Variants in DAB1 observed in about 807,000 individuals in gnomAD.
DAB1 encodes the protein DAB adaptor protein 1, also known as disabled homolog 1.
A neutral mutation model predicts 64.6 loss-of-function variants in DAB1; 15 were observed. That is an observed-to-expected ratio of 0.23 (90% confidence interval 0.16 to 0.36). The LOEUF is 0.36. Ranked by LOEUF, DAB1 falls within the 10% of genes least tolerant of loss-of-function variation. The pLI, the probability that DAB1 is intolerant of heterozygous loss-of-function variation, is 1.00. For synonymous variants in DAB1, 235 were observed against 251.9 expected (o/e 0.93, Z 0.64); for missense variants, 596 against 706.7 (o/e 0.84, Z 1.78).
chr1:58,300,626 GAGAGAGAGAGAGAGAGAGAGAGGAAGGA>G (rs1557726130), intron 4 of DAB1, among the ~76,000 whole-genome samples: 23 of 47,078 alleles, frequency 4.9e-4, no homozygotes, highest in East Asian at 1.9e-3. Flanking sequence ...GAGAGAGAGA[GAGAGAGAGAGAGAGAGAGAGAGGAAGGA>G]AGGAAGGAAG....
chr1:57,279,905 C>T (rs1457661843), intron 2 of DAB1, among the ~76,000 whole-genome samples: 2 of 152,170 alleles, frequency 1.3e-5, no homozygotes, highest in Non-Finnish European at 2.9e-5. Context: ...CATATTTTAT[C>T]ATCATTCCCT....
chr1:57,616,486 G>T (rs1380131120), intron 7 of DAB1, among the ~76,000 whole-genome samples: 1 of 152,142 alleles, frequency 6.6e-6, no homozygotes, highest in East Asian at 1.9e-4. Flanking sequence ...TCAACAGACA[G>T]TTGAATGAAA....
At chr1:57,261,673 C>T (rs985126344) in intron 2 of DAB1, among the ~76,000 whole-genome samples, 2 of 152,162 alleles carry the variant, frequency 1.3e-5, no homozygotes, top group Non-Finnish European at 2.9e-5. Context: ...AAGCACTCAG[C>T]ACATCTGCTG....
At chr1:57,623,429 G>A (rs1456001626) in intron 7 of DAB1, among the ~76,000 whole-genome samples, 3 of 152,136 alleles carry the variant, frequency 2.0e-5, no homozygotes, top group Admixed American at 1.3e-4. Flanking sequence ...CACCTTCAAC[G>A]GCAATTAATA....
chr1:57,215,888 G>A (rs960899156), intron 2 of DAB1, among the ~76,000 whole-genome samples: 1 of 152,200 alleles, frequency 6.6e-6, no homozygotes, highest in African/African-American at 2.4e-5. Context: ...GGGCCTGGGG[G>A]GACACAGCCT....
intron 7 of DAB1, among the ~76,000 whole-genome samples, chr1:57,432,701 A>G (rs1379075598): frequency 6.6e-6 from 1 of 152,196 alleles, no homozygotes; most frequent in Non-Finnish European, 1.5e-5. Flanking sequence ...ATGAGCCAAT[A>G]TGTCCCCTCT....
At chr1:58,518,277 G>A (rs147400566) in intron 2 of DAB1, among the ~76,000 whole-genome samples, 38 of 2,398 alleles carry the variant, frequency 0.016, 7 homozygotes, top group South Asian at 0.031. Context: ...AGAGAGGAGA[G>A]GAGAAGAGAA....
At chr1:58,354,364 C>A (rs972152922) in intron 3 of DAB1, among the ~76,000 whole-genome samples, 4 of 151,990 alleles carry the variant, frequency 2.6e-5, no homozygotes, top group African/African-American at 9.7e-5. Flanking sequence ...ATAAACCTGC[C>A]CCATCAAGGG....
intron 3 of DAB1, among the ~76,000 whole-genome samples, chr1:58,364,772 T>C (rs1475895392): frequency 6.6e-6 from 1 of 152,228 alleles, no homozygotes; most frequent in Non-Finnish European, 1.5e-5. Flanking sequence ...ACTTCCACTA[T>C]CTTGGTTTCT....
At chr1:58,322,623 T>C (rs1398960851) in intron 4 of DAB1, among the ~76,000 whole-genome samples, 1 of 152,188 alleles carries the variant, frequency 6.6e-6, no homozygotes, top group Admixed American at 6.5e-5. Flanking sequence ...GAAATAGGAA[T>C]GCTTTTACAG....
At chr1:57,617,159 G>A (rs1409896772) in intron 7 of DAB1, among the ~76,000 whole-genome samples, 1 of 152,106 alleles carries the variant, frequency 6.6e-6, no homozygotes, top group African/African-American at 2.4e-5. Flanking sequence ...TGCTGTGAGT[G>A]TCAGCTGCTA....
Position 58,240,785 on chromosome 1 carries a change from A to C in DAB1, n.310-90197T>G, listed in dbSNP as rs138594436. Among the ~76,000 whole-genome samples the C allele has an allele frequency of 2.3e-3, 343 of 152,330 alleles. 3 individuals are homozygous for C. The highest frequency in any genetic ancestry group is 7.7e-3 in the African/African-American group (319 of 41,578). ...CTTGGTGGTTACTGACTCTTATCAT[A>C]TCCACATTTCCAATAAGCATGGTCC... On this transcript the variant is annotated intron_variant and non_coding_transcript_variant, in intron 4 of 20. Transcript: ENST00000485760.
At chr1:58,472,756 T>G (rs1402189799) in intron 3 of DAB1, among the ~76,000 whole-genome samples, 2 of 152,234 alleles carry the variant, frequency 1.3e-5, no homozygotes. Flanking sequence ...CTTCTTACAC[T>G]TGTCTCTTGA....
chr1:58,048,781 T>C (rs1459436740), intron 5 of DAB1: 1 of 1,179,018 alleles, frequency 8.5e-7, no homozygotes, highest in East Asian at 2.3e-5. Flanking sequence ...GTTGTGGCCA[T>C]TCACAGTATA....
intron 2 of DAB1, among the ~76,000 whole-genome samples, chr1:57,263,262 C>A (rs977456106): frequency 6.6e-6 from 1 of 152,000 alleles, no homozygotes; most frequent in African/African-American, 2.4e-5. Flanking sequence ...ATTACAGGTG[C>A]CTGCCACCGT....
At chr1:58,480,118 G>C (rs1443150868) in intron 3 of DAB1, among the ~76,000 whole-genome samples, 1 of 152,034 alleles carries the variant, frequency 6.6e-6, no homozygotes. Context: ...CACCACTGGG[G>C]GTATGTCTTG....
chr1:58,051,533 C>T (rs1647668982), intron 5 of DAB1, among the ~76,000 whole-genome samples: 1 of 152,152 alleles, frequency 6.6e-6, no homozygotes, highest in Admixed American at 6.5e-5. Context: ...TTTATAGTAG[C>T]ATGATTTATA....
chr1:57,978,432 CT>C (rs1391150403), intron 5 of DAB1, among the ~76,000 whole-genome samples: 1 of 152,184 alleles, frequency 6.6e-6, no homozygotes, highest in Non-Finnish European at 1.5e-5. Flanking sequence ...GGATCAAAGA[CT>C]CAAACGTAAG....
At chr1:57,831,848 T>C (rs1652604414) in intron 1 of DAB1, among the ~76,000 whole-genome samples, 1 of 152,154 alleles carries the variant, frequency 6.6e-6, no homozygotes, top group Non-Finnish European at 1.5e-5. Context: ...CATTTTCTTT[T>C]GTTTTTCCAA....
Sources: allele counts gnomAD v4.1 joint callset (sites outside exome capture counted in the v4.1 genomes callset), GRCh38; gene constraint gnomAD v4.1.1; transcripts MANE v1.5; gene names NCBI Gene and HGNC (gene_info 2026-07-23, HGNC 2026-07-21).